SPNS2: variants seen among roughly 807,000 people sequenced by gnomAD.
SPNS2 encodes sphingosine-1-phosphate transporter SPNS2.
Under a neutral mutation model 57.6 loss-of-function variants are expected in SPNS2, and 37 were observed. That is an observed-to-expected ratio of 0.64 (90% CI 0.49 to 0.85). SPNS2 has a LOEUF of 0.85. Ranked by LOEUF, SPNS2 falls within the 40% of genes least tolerant of loss-of-function variation. The probability of loss-of-function intolerance (pLI) is 0.00; values close to 1 mark genes in which losing one functional copy is unlikely to be tolerated. For synonymous variants in SPNS2, 440 were observed against 346.9 expected (o/e 1.27, Z -2.98); for missense variants, 831 against 779.1 (o/e 1.07, Z -0.79).
At chr17:4,502,993 C>T (rs933422126) in intron 1 of SPNS2, among the ~76,000 whole-genome samples, 1 of 152,220 alleles carries the variant, frequency 6.6e-6, no homozygotes, top group Non-Finnish European at 1.5e-5. Flanking sequence ...GGCCTCAGAG[C>T]GGGTGAGGAG....
chr17:4,516,263 C>A, intron 2 of SPNS2, among the ~76,000 whole-genome samples: 1 of 143,710 alleles, frequency 7.0e-6, no homozygotes. Context: ...GCAGTAAGCC[C>A]AGATTGCGCC....
intron 2 of SPNS2, among the ~76,000 whole-genome samples, chr17:4,514,719 A>G (rs1434266420): frequency 1.3e-5 from 2 of 152,180 alleles, no homozygotes; most frequent in Non-Finnish European, 2.9e-5. Context: ...AGGCCAGAAT[A>G]AGTCTGCCTG....
rs756818496 is a variant in SPNS2, at chr17:4,531,139, C to A, written c.792+20C>A. ...TTGCGGGTAAGCCCTACGTCCCTTC[C>A]CATGAGGACACCCTCCGGTCCAGAC... On this transcript the variant is annotated intron_variant, in intron 5 of 12. Coordinates refer to ENST00000329078, the MANE Select transcript of SPNS2 (RefSeq NM_001124758.3). 2.1e-5 allele frequency: 34 copies of A among 1,612,896 alleles called. No homozygotes were observed. Among genetic ancestry groups the A allele is most frequent in the Non-Finnish European group, 2.7e-5 (32 of 1,179,330 alleles).
At chr17:4,533,662 A>G in intron 8 of SPNS2, 126 bp from the exon 9 acceptor site, 1 of 1,143,310 alleles carries the variant, frequency 8.7e-7, no homozygotes, top group Non-Finnish European at 1.3e-6. Flanking sequence ...CCATGAATGG[A>G]TGTGGGCCCG....
At chr17:4,522,508 C>T (rs1905164404) in intron 2 of SPNS2, among the ~76,000 whole-genome samples, 1 of 152,232 alleles carries the variant, frequency 6.6e-6, no homozygotes, top group African/African-American at 2.4e-5. Flanking sequence ...GTCACTCCTC[C>T]AGCCAGGTTC....
intron 2 of SPNS2, among the ~76,000 whole-genome samples, chr17:4,524,430 A>G (rs1260579507): frequency 1.3e-5 from 2 of 152,186 alleles, no homozygotes; most frequent in African/African-American, 4.8e-5. Flanking sequence ...CACACGTGTA[A>G]TCCCAGCACT....
In SPNS2 at chr17:4,533,434, T is replaced by A; in HGVS notation, c.1278+2T>A. The A allele has an allele frequency of 6.3e-7, 1 of 1,595,500 alleles. No individual in the cohort carries two copies. The highest frequency in any genetic ancestry group is 1.1e-5 in the South Asian group (1 of 89,460). On this transcript the variant is annotated splice_donor_variant, in intron 8 of 12. Coordinates refer to ENST00000329078, the MANE Select transcript of SPNS2 (RefSeq NM_001124758.3). LOFTEE classifies it high-confidence loss of function. ...AAGAGCAGCATCGTAGGAGCCTATG[T>A]GAGTGCAGCGGGGGTCAAGGGTGCT...
At chr17:4,516,748 T>C (rs1905006785) in intron 2 of SPNS2, among the ~76,000 whole-genome samples, 1 of 152,146 alleles carries the variant, frequency 6.6e-6, no homozygotes, top group Middle Eastern at 3.2e-3. Context: ...GAAAACATGT[T>C]GAAATTACAA....
intron 1 of SPNS2, among the ~76,000 whole-genome samples, chr17:4,509,054 C>T (rs1904758959): frequency 6.6e-6 from 1 of 152,190 alleles, no homozygotes; most frequent in Non-Finnish European, 1.5e-5. Flanking sequence ...TCACCGGGGC[C>T]CATTCATGAG....
At position 4,525,194 on chromosome 17, in the gene SPNS2, G is replaced by A; in HGVS notation, c.573+1G>A. On this transcript the variant is annotated splice_donor_variant, in intron 3 of 12. Coordinates refer to ENST00000329078, the MANE Select transcript of SPNS2 (RefSeq NM_001124758.3). LOFTEE classifies it high-confidence loss of function. The stretch of plus-strand genomic sequence containing the variant: ...CTCCAGCTCCTTCATTCCCCAGCAG[G>A]TGAGGCCCGGCTCGGCTTCTCCCCG... The A allele has an allele frequency of 6.2e-7, 1 of 1,613,890 alleles. No homozygotes were observed. The highest frequency in any genetic ancestry group is 8.5e-7 in the Non-Finnish European group (1 of 1,179,982).
chr17:4,522,258 C>T (rs952788602), intron 2 of SPNS2, among the ~76,000 whole-genome samples: 2 of 152,176 alleles, frequency 1.3e-5, no homozygotes, highest in Non-Finnish European at 2.9e-5. Flanking sequence ...TTTATCAGAG[C>T]CAGTTAAACA....
rs921130481 is a variant in SPNS2, at chr17:4,528,843, A to G, written c.574-1789A>G. Among the ~76,000 whole-genome samples the G allele has an allele frequency of 2.0e-5, 3 of 152,124 alleles. No individual in the cohort carries two copies. The South Asian group carries it at 6.2e-4, about 32-fold the overall frequency. ...GGCTGATATGCAGTGGTGTGATCACAGCTCACTGCAGGCTTGACTTCCTGG... is the reference window on the plus strand; with the variant it reads ...GGCTGATATGCAGTGGTGTGATCACGGCTCACTGCAGGCTTGACTTCCTGG... On this transcript the variant is annotated intron_variant, in intron 3 of 12. Coordinates refer to ENST00000329078, the MANE Select transcript of SPNS2 (RefSeq NM_001124758.3).
chr17:4,532,179 C>A (rs964102024), intron 5 of SPNS2, among the ~76,000 whole-genome samples: 11 of 152,000 alleles, frequency 7.2e-5, no homozygotes, highest in African/African-American at 2.4e-4. Context: ...TCCATCTATC[C>A]GTCCATCCCT....
At chr17:4,521,549 T>C (rs1006573895) in intron 2 of SPNS2, among the ~76,000 whole-genome samples, 9 of 152,206 alleles carry the variant, frequency 5.9e-5, no homozygotes, top group African/African-American at 2.2e-4. Flanking sequence ...ATTTTACAGA[T>C]GAGGATGCTG....
chr17:4,533,286 G>A lies in SPNS2; in HGVS notation c.1132G>A (p.Val378Met), dbSNP rs747495296. Residue 378 changes from valine (V) to methionine (M), a missense_variant, in exon 8 of 13, where the codon GTG becomes ATG. By Grantham distance (21) the Val-to-Met change is conservative. Around this residue, in one of 2 missense-constraint regions of SPNS2, gnomAD observed 526 missense variants for 400.9 expected, o/e 1.31. Coordinates refer to ENST00000329078, the MANE Select transcript of SPNS2 (RefSeq NM_001124758.3). ...AITCFTGFLG[V>M]VTGAGATRWC... Reference sequence around the variant, plus strand: ...CACCTGCTTTACGGGATTTCTGGGCGTGGTCACGGGGGCAGGAGCCACGCG... The same window carrying A: ...CACCTGCTTTACGGGATTTCTGGGCATGGTCACGGGGGCAGGAGCCACGCG... The A allele has an allele frequency of 1.7e-5, 27 of 1,609,762 alleles. No individual in the cohort carries two copies. Among genetic ancestry groups the A allele is most frequent in the Middle Eastern group, 1.6e-4 (1 of 6,072 alleles).
intron 1 of SPNS2, among the ~76,000 whole-genome samples, chr17:4,507,281 G>C (rs2144310388): frequency 6.6e-6 from 1 of 152,328 alleles, no homozygotes; most frequent in Admixed American, 6.5e-5. Context: ...AGGGCATCAG[G>C]GCCCATCCTT....
At chr17:4,504,462 C>G (rs1431627038) in intron 1 of SPNS2, among the ~76,000 whole-genome samples, 3 of 152,154 alleles carry the variant, frequency 2.0e-5, no homozygotes, top group African/African-American at 7.2e-5. Context: ...GGGCCCTGGA[C>G]CGGTGATGGG....
At chr17:4,506,735 G>T (rs1377038097) in intron 1 of SPNS2, among the ~76,000 whole-genome samples, 1 of 152,158 alleles carries the variant, frequency 6.6e-6, no homozygotes, top group Non-Finnish European at 1.5e-5. Flanking sequence ...CAAGGCTCTG[G>T]GCTGGGGGCC....
At chr17:4,523,975 A>C (rs1442908097) in intron 2 of SPNS2, among the ~76,000 whole-genome samples, 11 of 152,178 alleles carry the variant, frequency 7.2e-5, no homozygotes, top group African/African-American at 2.7e-4. Context: ...TTCCTGGTGC[A>C]TTGTAGGTAC....
Sources: gnomAD v4.1 joint callset for allele counts (sites outside exome capture counted in the v4.1 genomes callset) on GRCh38, gnomAD v4.1.1 for gene constraint, gnomAD v4.1.1 regional missense constraint, MANE v1.5 for transcripts, NCBI Gene and HGNC (gene_info 2026-07-23, HGNC 2026-07-21) for gene names.